Variants in SPACA1 observed in about 807,000 individuals in gnomAD.
The protein encoded by SPACA1 is sperm acrosome membrane-associated protein 1.
A neutral mutation model predicts 32.6 loss-of-function variants in SPACA1; 17 were observed. The ratio of observed to expected loss-of-function variants is 0.52; its 90% CI spans 0.36 to 0.78. SPACA1 has a LOEUF of 0.78. SPACA1 is among the 30% of genes least tolerant of loss of function. The pLI, the probability that SPACA1 is intolerant of heterozygous loss-of-function variation, is 0.01. For synonymous variants in SPACA1, 140 were observed against 138.1 expected (o/e 1.01, Z -0.10); for missense variants, 363 against 373.4 (o/e 0.97, Z 0.23).
chr6:88,049,118 C>CT (rs1490445355), intron 1 of SPACA1, among the ~76,000 whole-genome samples: 1 of 152,134 alleles, frequency 6.6e-6, no homozygotes, highest in Non-Finnish European at 1.5e-5. Context: ...TAACATTATA[C>CT]TACAGAGAGC....
chr6:88,050,578 A>G (rs1447217644), intron 1 of SPACA1, among the ~76,000 whole-genome samples: 1 of 152,258 alleles, frequency 6.6e-6, no homozygotes, highest in African/African-American at 2.4e-5. Context: ...ATAAAAGCCA[A>G]AAATAGACTA....
chr6:88,054,820 G>A (rs1337932310), intron 2 of SPACA1, among the ~76,000 whole-genome samples: 1 of 152,076 alleles, frequency 6.6e-6, no homozygotes, highest in African/African-American at 2.4e-5. Flanking sequence ...TTGTGGTACA[G>A]TATACCCAAC....
chr6:88,063,586 T>TG (rs1192564201), intron 5 of SPACA1, among the ~76,000 whole-genome samples: 4 of 152,176 alleles, frequency 2.6e-5, no homozygotes, highest in Non-Finnish European at 4.4e-5. Flanking sequence ...GGGAACTTTC[T>TG]GGGGTATAGT....
chr6:88,066,373 G>A lies in SPACA1; in HGVS notation c.*38G>A. ...ATATAACAAACCAAAGGATATTACAGAATATTAGATTCATTATTACAAAAA... is the reference window on the plus strand; with the variant it reads ...ATATAACAAACCAAAGGATATTACAAAATATTAGATTCATTATTACAAAAA... On this transcript the variant is annotated 3_prime_UTR_variant, in exon 7 of 7. Transcript: ENST00000237201. 13 of 1,527,756 alleles carry A rather than the reference G, an allele frequency of 8.5e-6. No homozygotes were observed. The highest frequency in any genetic ancestry group is 1.1e-5 in the Non-Finnish European group (12 of 1,130,152). The allele number at this position is 1,527,756 out of a possible 1,614,324, so 94.6% of individuals were successfully genotyped here. A position where few individuals can be genotyped will look rare whatever the true frequency, so the allele number is the denominator to read the frequency against.
chr6:88,059,625 C>A, intron 5 of SPACA1, 37 bp downstream of exon 5: 1 of 1,566,074 alleles, frequency 6.4e-7, no homozygotes, highest in Admixed American at 1.9e-5. Context: ...GCTTATATGC[C>A]AATCTTTAAA....
intron 5 of SPACA1, among the ~76,000 whole-genome samples, chr6:88,063,435 T>C (rs531093918): frequency 6.6e-6 from 1 of 152,260 alleles, no homozygotes; most frequent in African/African-American, 2.4e-5. Flanking sequence ...TAAACAAATC[T>C]TTACACAAGA....
chr6:88,050,910 A>G (rs1404995181), intron 1 of SPACA1, among the ~76,000 whole-genome samples: 1 of 152,162 alleles, frequency 6.6e-6, no homozygotes, highest in Non-Finnish European at 1.5e-5. Context: ...AGTGCTTCGG[A>G]AGGCCGAGGT....
chr6:88,063,194 C>T (rs1288798487), intron 5 of SPACA1, among the ~76,000 whole-genome samples: 1 of 152,250 alleles, frequency 6.6e-6, no homozygotes, highest in East Asian at 1.9e-4. Flanking sequence ...TACCCTACGA[C>T]CCAGCAATTC....
chr6:88,057,584 A>T (rs1775828227), intron 2 of SPACA1, 28 bp from the exon 3 acceptor site: 1 of 1,538,744 alleles, frequency 6.5e-7, no homozygotes, highest in South Asian at 1.1e-5. Flanking sequence ...TTTTCTTAAC[A>T]TTTGCCTTTT....
intron 5 of SPACA1, among the ~76,000 whole-genome samples, chr6:88,061,343 A>G (rs1229466791): frequency 6.6e-6 from 1 of 152,156 alleles, no homozygotes; most frequent in Non-Finnish European, 1.5e-5. Context: ...GTAATTAGTT[A>G]AGATGAGGTT....
intron 1 of SPACA1, among the ~76,000 whole-genome samples, chr6:88,053,538 G>T (rs556793328): frequency 1.3e-5 from 2 of 152,126 alleles, no homozygotes; most frequent in Admixed American, 6.5e-5. Flanking sequence ...CTGGTTAAGG[G>T]CTTCTTTTTG....
At chr6:88,059,322 A>AT (rs1250581496) in intron 4 of SPACA1, 131 bp from the exon 5 acceptor site, 6 of 780,942 alleles carry the variant, frequency 7.7e-6, no homozygotes, top group African/African-American at 1.8e-5. Context: ...CTGAAAATCC[A>AT]TGTAGATCAT....
At chr6:88,050,031 A>G (rs1292176735) in intron 1 of SPACA1, among the ~76,000 whole-genome samples, 1 of 152,208 alleles carries the variant, frequency 6.6e-6, no homozygotes, top group African/African-American at 2.4e-5. Flanking sequence ...ATTTATAAAC[A>G]CCAATTAGAA....
Position 88,057,624 on chromosome 6 carries a change from G to C in SPACA1, c.278G>C (p.Arg93Thr), listed in dbSNP as rs768527680. 1.2e-6 allele frequency: 2 copies of C among 1,613,550 alleles called. No individual in the cohort carries two copies. Among genetic ancestry groups the C allele is most frequent in the Non-Finnish European group, 1.7e-6 (2 of 1,179,484 alleles). Residue 93 changes from arginine (R) to threonine (T), a missense_variant, in exon 3 of 7, where the codon AGA becomes ACA. Arg to Thr is a moderately conservative substitution (Grantham distance 71). Transcript: ENST00000237201. ...TTTTAAACCAAAGGTATTGGTGTTA[G>C]AGAAGTTATATTAACAAATGGATGC... ...MCTVTCGIGV[R>T]EVILTNGCPG...
intron 5 of SPACA1, among the ~76,000 whole-genome samples, chr6:88,062,490 A>G (rs1775911533): frequency 6.6e-6 from 1 of 152,238 alleles, no homozygotes; most frequent in Non-Finnish European, 1.5e-5. Flanking sequence ...AAGAGATACA[A>G]TAAAGCTATG....
chr6:88,051,471 A>G (rs1775727961), intron 1 of SPACA1, among the ~76,000 whole-genome samples: 1 of 152,230 alleles, frequency 6.6e-6, no homozygotes, highest in South Asian at 2.1e-4. Flanking sequence ...AAAAGTTACC[A>G]TGTGCTGTCC....
At chr6:88,065,369 TATTA>T (rs1775966342) in intron 6 of SPACA1, among the ~76,000 whole-genome samples, 1 of 148,006 alleles carries the variant, frequency 6.8e-6, no homozygotes. Flanking sequence ...ATACAGTATA[TATTA>T]TATATACATA....
In SPACA1 at chr6:88,048,105, C is replaced by A; in HGVS notation, c.200C>A (p.Thr67Asn). 3 of 1,590,678 alleles carry A rather than the reference C, an allele frequency of 1.9e-6. No homozygotes were observed. The highest frequency in any genetic ancestry group is 2.3e-5 in the South Asian group (2 of 86,870). The change falls in exon 1 of 7, where the codon ACC (threonine) becomes AAC (asparagine). Residue 67 changes from threonine to asparagine, a missense_variant. By Grantham distance (65) the Thr-to-Asn change is moderately conservative. Transcript: ENST00000237201. ...ETAENYAPPE[T>N]EDVSNRNVVK... ...GCGGAGAACTACGCTCCGCCTGAAA[C>A]CGAGGATGGTGAGGGCGGGAGCTCC...
At chr6:88,051,993 T>A (rs537932111) in intron 1 of SPACA1, among the ~76,000 whole-genome samples, 11 of 152,334 alleles carry the variant, frequency 7.2e-5, no homozygotes, top group African/African-American at 2.4e-4. Flanking sequence ...TTAAACAGTT[T>A]CACATAAAAC....
Sources: gnomAD v4.1 joint callset for allele counts (sites outside exome capture counted in the v4.1 genomes callset) on GRCh38, gnomAD v4.1.1 for gene constraint, MANE v1.5 for transcripts, NCBI Gene and HGNC (gene_info 2026-07-23, HGNC 2026-07-21) for gene names.